CLSTN1: variants seen among roughly 807,000 people sequenced by gnomAD.
CLSTN1 encodes calsyntenin 1.
A neutral mutation model predicts 108.3 loss-of-function variants in CLSTN1; 28 were observed. That is an observed-to-expected ratio of 0.26 (90% confidence interval 0.19 to 0.35). The LOEUF is 0.35. CLSTN1 is among the 10% of genes least tolerant of loss of function. The pLI, the probability that CLSTN1 is intolerant of heterozygous loss-of-function variation, is 1.00. For synonymous variants in CLSTN1, 524 were observed against 534.9 expected (o/e 0.98, Z 0.28); for missense variants, 1,157 against 1,302.6 (o/e 0.89, Z 1.72).
At chr1:9,800,962 A>C (rs1338683773) in intron 1 of CLSTN1, among the ~76,000 whole-genome samples, 2 of 151,432 alleles carry the variant, frequency 1.3e-5, no homozygotes, top group African/African-American at 4.9e-5. Context: ...TAAATAAATA[A>C]GAGGCTGGGT....
intron 1 of CLSTN1, among the ~76,000 whole-genome samples, chr1:9,777,217 CAAA>C (rs1183664020): frequency 5.9e-5 from 3 of 51,158 alleles, no homozygotes; most frequent in Admixed American, 2.4e-4. Context: ...GAGACTGTCT[CAAA>C]AAAAAAAAAA....
At chr1:9,739,404 T>C (rs997280647) in intron 10 of CLSTN1, among the ~76,000 whole-genome samples, 5 of 152,222 alleles carry the variant, frequency 3.3e-5, no homozygotes, top group Admixed American at 1.3e-4. Context: ...GTTTCACAAA[T>C]GTAGTATTTC....
At chr1:9,817,327 A>G (rs1655011297) in intron 1 of CLSTN1, among the ~76,000 whole-genome samples, 1 of 152,070 alleles carries the variant, frequency 6.6e-6, no homozygotes, top group Non-Finnish European at 1.5e-5. Context: ...GGAAGCTTTC[A>G]GATTTTTTTC....
chr1:9,749,405 G>A, intron 7 of CLSTN1, 56 bp downstream of exon 7: 1 of 1,454,330 alleles, frequency 6.9e-7, no homozygotes, highest in Non-Finnish European at 9.4e-7. Context: ...CAGTTGTAAA[G>A]GTCCCTCCCA....
At chr1:9,786,414 G>A (rs560420435) in intron 1 of CLSTN1, among the ~76,000 whole-genome samples, 1 of 152,222 alleles carries the variant, frequency 6.6e-6, no homozygotes, top group African/African-American at 2.4e-5. Context: ...GGCCGAGGCA[G>A]GCTGATCACC....
At chr1:9,745,437 G>C (rs540322648) in intron 7 of CLSTN1, among the ~76,000 whole-genome samples, 4 of 152,182 alleles carry the variant, frequency 2.6e-5, no homozygotes, top group African/African-American at 9.6e-5. Flanking sequence ...CACACAGATT[G>C]CTTGAGCCCA....
intron 7 of CLSTN1, among the ~76,000 whole-genome samples, chr1:9,747,396 T>A (rs1250100054): frequency 6.6e-6 from 1 of 152,112 alleles, no homozygotes; most frequent in African/African-American, 2.4e-5. Flanking sequence ...TTATGAATAT[T>A]TGGATTCAGA....
rs1650645771 is a variant in CLSTN1, at chr1:9,735,634, CAG to C, written c.1735-21_1735-20del. ...CTTGGATCTGAAATCACACCAGCCA[CAG>C]AGAGGAGAAGAATAAGCCAGTAACC... On this transcript the variant is annotated intron_variant, in intron 12 of 18. Transcript: ENST00000377298. 6.2e-7 allele frequency: 1 copy of C among 1,613,824 alleles called. No individual in the cohort carries two copies. The highest frequency in any genetic ancestry group is 8.5e-7 in the Non-Finnish European group (1 of 1,179,900).
chr1:9,734,476 G>A lies in CLSTN1; in HGVS notation c.2111-334C>T, dbSNP rs1650574975. ...TGTAATCCCAGCTATTCGGGAGGCT[G>A]AGGCAGGAGAATCGCTTGAACTCAG... On this transcript the variant is annotated intron_variant, in intron 14 of 18. Coordinates refer to ENST00000377298, the MANE Select transcript of CLSTN1 (RefSeq NM_001009566.3). This position sits in a 1 kb window ranked among gnomAD's most constrained non-coding sequence, Gnocchi z 4.8. Among the ~76,000 whole-genome samples the A allele has an allele frequency of 1.3e-5, 2 of 151,944 alleles. No homozygotes were observed. The highest frequency in any genetic ancestry group is 4.8e-5 in the African/African-American group (2 of 41,350).
intron 2 of CLSTN1, among the ~76,000 whole-genome samples, chr1:9,757,985 GT>G (rs1327766860): frequency 1.4e-5 from 2 of 144,126 alleles, no homozygotes; most frequent in African/African-American, 5.1e-5. Flanking sequence ...ATGGCATGCA[GT>G]TTTTTGTTTG....
chr1:9,791,392 C>T (rs1427637942), intron 1 of CLSTN1, among the ~76,000 whole-genome samples: 1 of 151,136 alleles, frequency 6.6e-6, no homozygotes, highest in African/African-American at 2.4e-5. Flanking sequence ...CCACCATGTC[C>T]AGCTAGTTTT....
chr1:9,756,706 T>C (rs1405854679), intron 2 of CLSTN1, among the ~76,000 whole-genome samples, 196 bp from the exon 3 acceptor site: 2 of 152,218 alleles, frequency 1.3e-5, no homozygotes, highest in Non-Finnish European at 2.9e-5. Context: ...CATGAACTAC[T>C]GCATAATTCT....
At chr1:9,796,874 G>C (rs1408070434) in intron 1 of CLSTN1, among the ~76,000 whole-genome samples, 2 of 152,190 alleles carry the variant, frequency 1.3e-5, no homozygotes, top group African/African-American at 4.8e-5. Context: ...AGAATGAACA[G>C]ATGGAATGTG....
At chr1:9,761,727 G>A (rs1309871149) in intron 2 of CLSTN1, among the ~76,000 whole-genome samples, 1 of 152,084 alleles carries the variant, frequency 6.6e-6, no homozygotes, top group East Asian at 1.9e-4. Flanking sequence ...CTAATCTGAG[G>A]ATGGCCCCTC....
At chr1:9,737,658 A>G in intron 10 of CLSTN1, 104 bp from the exon 11 acceptor site, 1 of 997,072 alleles carries the variant, frequency 1.0e-6, no homozygotes, top group Non-Finnish European at 1.6e-6. Flanking sequence ...TAAAACATGA[A>G]GAGAAAATTC....
chr1:9,756,412 A>G, intron 3 of CLSTN1, 69 bp downstream of exon 3: 1 of 1,317,166 alleles, frequency 7.6e-7, no homozygotes, highest in Non-Finnish European at 1.1e-6. Context: ...TTAAGGGCTG[A>G]TTCCCAATTT....
At chr1:9,786,265 A>T (rs1437066492) in intron 1 of CLSTN1, among the ~76,000 whole-genome samples, 1 of 152,208 alleles carries the variant, frequency 6.6e-6, no homozygotes, top group East Asian at 1.9e-4. Flanking sequence ...TTAATAGTAC[A>T]GTGAAACTTT....
At chr1:9,740,942 G>T in intron 10 of CLSTN1, 152 bp downstream of exon 10, 1 of 804,360 alleles carries the variant, frequency 1.2e-6, no homozygotes, top group Non-Finnish European at 2.0e-6. Context: ...TAACGGCAGT[G>T]TCCCCAAAAA....
At chr1:9,796,044 T>C (rs1193425089) in intron 1 of CLSTN1, among the ~76,000 whole-genome samples, 2 of 150,480 alleles carry the variant, frequency 1.3e-5, no homozygotes, top group Admixed American at 1.4e-4. Flanking sequence ...GCCGGATCAC[T>C]TGAAGTCAGG....
Sources: gnomAD v4.1 joint callset for allele counts (sites outside exome capture counted in the v4.1 genomes callset) on GRCh38, gnomAD v4.1.1 for gene constraint, Gnocchi (gnomAD v3.1) non-coding constraint, MANE v1.5 for transcripts, NCBI Gene and HGNC (gene_info 2026-07-23, HGNC 2026-07-21) for gene names.